ZMYND8: variants seen among roughly 807,000 people sequenced by gnomAD.
ZMYND8 encodes the protein zinc finger MYND-type containing 8.
A neutral mutation model predicts 140.8 loss-of-function variants in ZMYND8; 37 were observed. The observed-to-expected ratio is 0.26, with a 90% CI of 0.20 to 0.35. The LOEUF (loss-of-function observed/expected upper bound fraction) is 0.35, where lower values mean the gene tolerates loss of function less well. Ranked by LOEUF, ZMYND8 falls within the 10% of genes least tolerant of loss-of-function variation. The probability of loss-of-function intolerance (pLI) is 1.00; values close to 1 mark genes in which losing one functional copy is unlikely to be tolerated. For missense variants in ZMYND8, 1,068 were observed against 1,570.0 expected, an observed-to-expected ratio of 0.68 and a Z score of 5.40; for synonymous variants, 592 against 597.1, an observed-to-expected ratio of 0.99 and a Z score of 0.12.
intron 1 of ZMYND8, among the ~76,000 whole-genome samples, chr20:47,352,237 C>T (rs936613197): frequency 6.6e-6 from 1 of 152,140 alleles, no homozygotes; most frequent in African/African-American, 2.4e-5. Context: ...ACCAAAAAGG[C>T]GCTAGGTAAA....
At chr20:47,278,400 A>G (rs1328039170) in intron 10 of ZMYND8, among the ~76,000 whole-genome samples, 2 of 152,240 alleles carry the variant, frequency 1.3e-5, no homozygotes, top group Admixed American at 6.5e-5. Context: ...GGGAGAAAGC[A>G]GTATCTACTC....
chr20:47,244,325 TG>T (rs1012115404), intron 14 of ZMYND8, among the ~76,000 whole-genome samples: 3 of 152,254 alleles, frequency 2.0e-5, no homozygotes, highest in Non-Finnish European at 4.4e-5. Context: ...ACCTGTAATT[TG>T]TCCTGGGGCA....
At chr20:47,335,071 C>A (rs2148484613) in intron 2 of ZMYND8, among the ~76,000 whole-genome samples, 1 of 151,874 alleles carries the variant, frequency 6.6e-6, no homozygotes, top group African/African-American at 2.4e-5. Context: ...CATAGTGAAA[C>A]CTCATCTCTA....
intron 14 of ZMYND8, 115 bp downstream of exon 14, chr20:47,245,893 G>C (rs576349833): frequency 4.4e-5 from 63 of 1,432,708 alleles, no homozygotes; most frequent in Middle Eastern, 2.4e-4. Context: ...GTGTGTTAGA[G>C]GGTCACATAA....
At chr20:47,356,546 G>A in intron 1 of ZMYND8, 111 bp downstream of exon 1, 1 of 1,613,230 alleles carries the variant, frequency 6.2e-7, no homozygotes. Context: ...TAACATAAGT[G>A]CTCTGGGGGT....
At chr20:47,290,939 G>T (rs1425218067) in intron 6 of ZMYND8, among the ~76,000 whole-genome samples, 1 of 152,038 alleles carries the variant, frequency 6.6e-6, no homozygotes, top group Non-Finnish European at 1.5e-5. Flanking sequence ...TAGTCATATG[G>T]TCTCACACAA....
intron 1 of ZMYND8, among the ~76,000 whole-genome samples, chr20:47,356,016 G>C (rs530588263): frequency 5.3e-5 from 8 of 152,186 alleles, no homozygotes; most frequent in African/African-American, 1.9e-4. Flanking sequence ...AGAGAAGACC[G>C]TGTACAGACA....
chr20:47,327,319 C>T (rs2080515872), intron 2 of ZMYND8, among the ~76,000 whole-genome samples: 1 of 150,526 alleles, frequency 6.6e-6, no homozygotes, highest in Admixed American at 6.6e-5. Flanking sequence ...GCTCTAGCTT[C>T]TCTTTTAAAA....
Position 47,236,496 on chromosome 20 carries a change from T to A in ZMYND8, c.2686A>T (p.Thr896Ser). The change falls in exon 16 of 23, where the codon ACA becomes TCA. Residue 896 changes from threonine (T) to serine (S), a missense_variant. By Grantham distance (58) the Thr-to-Ser change is moderately conservative. Around this residue, in one of 10 missense-constraint regions of ZMYND8, gnomAD observed 383 missense variants for 431.2 expected, o/e 0.89. Coordinates refer to ENST00000471951, the MANE Select transcript of ZMYND8 (RefSeq NM_001281775.3). ...AVKAVQQKEI[T>S]QSPSTSTITL... ...ATGGTGGACGTGGATGGGCTCTGTG[T>A]GATCTCCTTCTGCTGGACAGCTAGG... is the stretch of plus-strand genomic sequence containing the variant. 10 of 1,589,542 alleles carry A rather than the reference T, an allele frequency of 6.3e-6. No homozygotes were observed. The highest frequency in any genetic ancestry group is 8.6e-6 in the Non-Finnish European group (10 of 1,167,214).
chr20:47,353,976 T>C (rs952719810), intron 1 of ZMYND8: 8 of 152,156 alleles, frequency 5.3e-5, no homozygotes, highest in Non-Finnish European at 4.4e-5. Flanking sequence ...TCCAAGTCTA[T>C]TGGTTTAAAA....
At chr20:47,301,056 G>A (rs1207065180) in intron 3 of ZMYND8, among the ~76,000 whole-genome samples, 1 of 151,896 alleles carries the variant, frequency 6.6e-6, no homozygotes, top group African/African-American at 2.4e-5. Flanking sequence ...CCTTGTAGAT[G>A]CTTGCTTAGT....
chr20:47,232,284 G>C (rs1178707247), intron 16 of ZMYND8, among the ~76,000 whole-genome samples: 1 of 152,184 alleles, frequency 6.6e-6, no homozygotes, highest in East Asian at 1.9e-4. Flanking sequence ...TGAGGCGAGA[G>C]AATCGCTTGA....
At chr20:47,306,609 C>T (rs1449737145) in intron 3 of ZMYND8, among the ~76,000 whole-genome samples, 4 of 141,364 alleles carry the variant, frequency 2.8e-5, no homozygotes, top group Non-Finnish European at 4.5e-5. Context: ...CTCACTCTGT[C>T]GCTCAGGCTG....
At chr20:47,300,463 G>A (rs948625079) in intron 3 of ZMYND8, among the ~76,000 whole-genome samples, 17 of 152,062 alleles carry the variant, frequency 1.1e-4, no homozygotes, top group African/African-American at 3.1e-4. Context: ...ATGATACTAC[G>A]AATGGGGATT....
intron 1 of ZMYND8, chr20:47,354,031 T>G (rs776410970): frequency 7.9e-5 from 12 of 152,200 alleles, no homozygotes; most frequent in Non-Finnish European, 1.3e-4. Flanking sequence ...GAGCCAGTAC[T>G]GCCGTCCCTA....
intron 3 of ZMYND8, among the ~76,000 whole-genome samples, chr20:47,307,686 G>C (rs1253762669): frequency 6.6e-6 from 1 of 151,862 alleles, no homozygotes; most frequent in Non-Finnish European, 1.5e-5. Context: ...AACTTAGCAG[G>C]GCGTGGTGGC....
chr20:47,287,326 C>G (rs370052642), intron 7 of ZMYND8, 42 bp from the exon 8 acceptor site: 4 of 1,524,994 alleles, frequency 2.6e-6, no homozygotes, highest in African/African-American at 1.4e-5. Context: ...ATGGAAATAC[C>G]GCAACACCGG....
intron 5 of ZMYND8, among the ~76,000 whole-genome samples, chr20:47,292,584 T>C (rs2077335641): frequency 6.6e-6 from 1 of 152,124 alleles, no homozygotes; most frequent in African/African-American, 2.4e-5. Context: ...AATTTCAGAA[T>C]ATAATCTCAA....
intron 2 of ZMYND8, among the ~76,000 whole-genome samples, chr20:47,322,943 G>A (rs2080098179): frequency 1.3e-5 from 2 of 152,164 alleles, no homozygotes; most frequent in Non-Finnish European, 2.9e-5. Flanking sequence ...CAGCATTGTC[G>A]TTCAGTGTGT....
Sources: gnomAD v4.1 joint callset for allele counts (sites outside exome capture counted in the v4.1 genomes callset) on GRCh38, gnomAD v4.1.1 for gene constraint, gnomAD v4.1.1 regional missense constraint, MANE v1.5 for transcripts, NCBI Gene and HGNC (gene_info 2026-07-23, HGNC 2026-07-21) for gene names.